Variants in CTNNA3 observed in about 807,000 individuals in gnomAD.
The protein encoded by CTNNA3 is catenin alpha 3, also known as catenin alpha-3.
A neutral mutation model predicts 95.7 loss-of-function variants in CTNNA3; 76 were observed. That is an observed-to-expected ratio of 0.79 (90% CI 0.66 to 0.96). The LOEUF is 0.96. CTNNA3 is among the 40% of genes least tolerant of loss of function. CTNNA3 has a pLI of 0.00. For missense variants in CTNNA3, 1,191 were observed against 1,089.8 expected, an observed-to-expected ratio of 1.09 and a Z score of -1.31; for synonymous variants, 431 against 374.4, an observed-to-expected ratio of 1.15 and a Z score of -1.74.
intron 7 of CTNNA3, among the ~76,000 whole-genome samples, chr10:66,781,394 C>T (rs750289455): frequency 2.7e-4 from 41 of 152,056 alleles, no homozygotes; most frequent in Non-Finnish European, 5.9e-4. Flanking sequence ...ATAGCACAGG[C>T]ACAGATTCTA....
chr10:65,978,630 C>T (rs1278109996), intron 16 of CTNNA3, among the ~76,000 whole-genome samples: 1 of 152,122 alleles, frequency 6.6e-6, no homozygotes, highest in Non-Finnish European at 1.5e-5. Context: ...TAGTCCATGC[C>T]ATTTCAGCAT....
chr10:67,016,903 C>T (rs374909222), intron 7 of CTNNA3, among the ~76,000 whole-genome samples: 3 of 152,124 alleles, frequency 2.0e-5, no homozygotes, highest in South Asian at 4.2e-4. Flanking sequence ...ATTTTATATC[C>T]TATCAAAATA....
intron 14 of CTNNA3, among the ~76,000 whole-genome samples, chr10:66,097,638 G>A (rs2081450002): frequency 6.6e-6 from 1 of 151,982 alleles, no homozygotes; most frequent in African/African-American, 2.4e-5. Flanking sequence ...TCTATAAAAG[G>A]CAAGTCATTT....
intron 13 of CTNNA3, among the ~76,000 whole-genome samples, chr10:66,227,649 C>G (rs1377076907): frequency 6.6e-6 from 1 of 151,892 alleles, no homozygotes; most frequent in East Asian, 1.9e-4. Context: ...TTGTTGTGTC[C>G]TTGTCTGGTT....
At chr10:67,060,254 G>T (rs1855685289) in intron 7 of CTNNA3, among the ~76,000 whole-genome samples, 1 of 152,114 alleles carries the variant, frequency 6.6e-6, no homozygotes, top group African/African-American at 2.4e-5. Flanking sequence ...GGAGGTAGAG[G>T]CTGCAGTGAG....
At position 67,625,179 on chromosome 10, in the gene CTNNA3, T is replaced by C. The variant is rs957298782; in HGVS notation, c.100-18130A>G. 8.5e-5 allele frequency among the ~76,000 whole-genome samples: 13 copies of C among 152,200 alleles called. 1 individual carries two copies. The highest frequency in any genetic ancestry group is 3.1e-4 in the African/African-American group (13 of 41,434). On this transcript the variant is annotated intron_variant, in intron 2 of 17. Coordinates refer to ENST00000433211, the MANE Select transcript of CTNNA3 (RefSeq NM_013266.4). Reference sequence around the variant, plus strand: ...AATGTGCCAAGCTCTCAGCAAAGTTTTTCTTAAATAAGAAATCCCATCCAT... The same window carrying C: ...AATGTGCCAAGCTCTCAGCAAAGTTCTTCTTAAATAAGAAATCCCATCCAT...
chr10:65,972,275 C>T (rs2078120530), intron 16 of CTNNA3, among the ~76,000 whole-genome samples: 1 of 151,888 alleles, frequency 6.6e-6, no homozygotes, highest in Admixed American at 6.6e-5. Context: ...TCCTTGAAAA[C>T]TGTTACAAGG....
chr10:67,102,037 C>T (rs1244675714), intron 7 of CTNNA3, among the ~76,000 whole-genome samples: 1 of 151,660 alleles, frequency 6.6e-6, no homozygotes, highest in Admixed American at 6.6e-5. Context: ...ATAATAACAT[C>T]TTATATTGGC....
chr10:66,736,221 T>C (rs923748332), intron 9 of CTNNA3, among the ~76,000 whole-genome samples: 1 of 152,056 alleles, frequency 6.6e-6, no homozygotes, highest in Non-Finnish European at 1.5e-5. Context: ...AGTCTCGCCC[T>C]GTCGCCCAGG....
chr10:66,012,711 C>T (rs577747873), intron 15 of CTNNA3, among the ~76,000 whole-genome samples: 1 of 152,292 alleles, frequency 6.6e-6, no homozygotes, highest in Admixed American at 6.5e-5. Context: ...GAAATAATTT[C>T]TACAAACTCC....
chr10:66,806,126 A>G lies in CTNNA3; in HGVS notation c.1048-30602T>C, dbSNP rs139224056. 8.8e-3 allele frequency among the ~76,000 whole-genome samples: 1,340 copies of G among 152,186 alleles called. 26 individuals are homozygous for G. The highest frequency in any genetic ancestry group is 0.031 in the African/African-American group (1,271 of 41,544). Reference sequence around the variant, plus strand: ...CTATCAAATAAATAGCTATTTGATTATAAGAGTGCTTTAGGGAAATAAAGA... The same window carrying G: ...CTATCAAATAAATAGCTATTTGATTGTAAGAGTGCTTTAGGGAAATAAAGA... On this transcript the variant is annotated intron_variant, in intron 7 of 17. Transcript: ENST00000433211.
intron 12 of CTNNA3, among the ~76,000 whole-genome samples, chr10:66,367,420 A>T (rs2092717662): frequency 6.6e-6 from 1 of 151,596 alleles, no homozygotes; most frequent in Non-Finnish European, 1.5e-5. Flanking sequence ...TCAATCATTG[A>T]CATGTTATAT....
intron 7 of CTNNA3, among the ~76,000 whole-genome samples, chr10:67,005,821 G>A (rs1178844693): frequency 6.6e-6 from 1 of 150,972 alleles, no homozygotes; most frequent in South Asian, 2.1e-4. Context: ...GAGTAACTGG[G>A]ATTACAGGTG....
intron 10 of CTNNA3, among the ~76,000 whole-genome samples, chr10:66,580,892 A>T (rs1030408961): frequency 5.3e-5 from 8 of 151,532 alleles, no homozygotes; most frequent in African/African-American, 1.7e-4. Context: ...GTAGTTTTTC[A>T]TTTTTACCCC....
At chr10:66,690,711 C>G (rs947219043) in intron 9 of CTNNA3, among the ~76,000 whole-genome samples, 2 of 151,728 alleles carry the variant, frequency 1.3e-5, no homozygotes, top group Non-Finnish European at 2.9e-5. Context: ...TTTTCTTAAT[C>G]CAGTCTATCG....
At chr10:67,015,511 C>T (rs756496438) in intron 7 of CTNNA3, 16 of 152,150 alleles carry the variant, frequency 1.1e-4, no homozygotes, top group East Asian at 3.8e-4. Context: ...TCTCATATTA[C>T]GTGGAAATTG....
chr10:67,424,170 A>G (rs1425680258), intron 5 of CTNNA3, among the ~76,000 whole-genome samples: 1 of 152,142 alleles, frequency 6.6e-6, no homozygotes, highest in African/African-American at 2.4e-5. Flanking sequence ...GTTTAAATGA[A>G]CAGATAAAGG....
intron 16 of CTNNA3, among the ~76,000 whole-genome samples, chr10:65,987,214 AG>A (rs1368695643): frequency 6.6e-6 from 1 of 152,098 alleles, no homozygotes; most frequent in African/African-American, 2.4e-5. Flanking sequence ...CAAACTAAAA[AG>A]GTTTTGCACA....
chr10:65,983,928 ACTAAT>A (rs1268653758), intron 16 of CTNNA3, among the ~76,000 whole-genome samples: 2 of 151,352 alleles, frequency 1.3e-5, no homozygotes, highest in African/African-American at 4.8e-5. Context: ...AGAAGCATCA[ACTAAT>A]CTAATTGTTT....
Sources: allele counts gnomAD v4.1 joint callset (sites outside exome capture counted in the v4.1 genomes callset), GRCh38; gene constraint gnomAD v4.1.1; transcripts MANE v1.5; gene names NCBI Gene and HGNC (gene_info 2026-07-23, HGNC 2026-07-21).